The following LHPP variants were observed in gnomAD, a reference collection of about 807,000 sequenced individuals.
LHPP encodes hLHPP.
LHPP carries 24 observed loss-of-function variants against 30.3 expected under a neutral mutation model. That is an observed-to-expected ratio of 0.79 (90% confidence interval 0.57 to 1.11). The LOEUF (loss-of-function observed/expected upper bound fraction) is 1.11, where lower values mean the gene tolerates loss of function less well. Among genes scored for constraint, LHPP ranks in the 50% most tolerant of loss-of-function variants. LHPP has a pLI of 0.00. For missense variants in LHPP, 356 were observed against 367.2 expected (o/e 0.97, Z 0.25); for synonymous variants, 150 against 157.1 (o/e 0.95, Z 0.34).
At chr10:124,587,401 A>G in intron 6 of LHPP, among the ~76,000 whole-genome samples, 1 of 151,012 alleles carries the variant, frequency 6.6e-6, no homozygotes, top group East Asian at 1.9e-4. Context: ...TGTCCCCTCC[A>G]CTTCTACCTT....
chr10:124,603,220 C>G (rs977356014), intron 6 of LHPP, among the ~76,000 whole-genome samples: 8 of 152,170 alleles, frequency 5.3e-5, no homozygotes, highest in African/African-American at 1.9e-4. Context: ...GGGAGGAAGG[C>G]GGGCACGGGT....
intron 3 of LHPP, among the ~76,000 whole-genome samples, chr10:124,491,556 T>C (rs1224150303): frequency 2.0e-5 from 3 of 152,228 alleles, no homozygotes; most frequent in South Asian, 4.1e-4. Context: ...GGAGTGCCAG[T>C]TGGTGTGGCT....
chr10:124,526,158 A>T (rs1564810097), intron 6 of LHPP: 3 of 985,194 alleles, frequency 3.0e-6, no homozygotes, highest in Non-Finnish European at 2.4e-6. Flanking sequence ...AGAGCCGCTC[A>T]ACACGTGTTG....
intron 2 of LHPP, among the ~76,000 whole-genome samples, chr10:124,487,442 C>CTTTT (rs140426240): frequency 9.3e-5 from 10 of 107,776 alleles, no homozygotes; most frequent in Admixed American, 8.9e-5. Context: ...TTCTTTCTTT[C>CTTTT]TTTTTTTTTT....
intron 5 of LHPP, among the ~76,000 whole-genome samples, chr10:124,516,799 CT>C (rs1404671591): frequency 6.6e-6 from 1 of 152,154 alleles, no homozygotes; most frequent in Admixed American, 6.5e-5. Context: ...ATTTGCTTCA[CT>C]TTCATGGAAT....
In LHPP at chr10:124,550,890, A is replaced by G. The variant is rs74537252; in HGVS notation, c.716+33619A>G. Among the ~76,000 whole-genome samples, 1,319 of 152,292 alleles carry G rather than the reference A, an allele frequency of 8.7e-3. 14 individuals are homozygous for G. Among genetic ancestry groups the G allele is most frequent in the African/African-American group, 0.03 (1,240 of 41,556 alleles). On this transcript the variant is annotated intron_variant, in intron 6 of 6. Transcript: ENST00000368842. Reference sequence around the variant, plus strand: ...CAAGGTAACGTCCAAGCTCTGCAGCAGGGACCAGCCCTGGGTCCCACAGAG... The same window carrying G: ...CAAGGTAACGTCCAAGCTCTGCAGCGGGGACCAGCCCTGGGTCCCACAGAG...
intron 3 of LHPP, chr10:124,489,877 G>A (rs1171772762): frequency 1.5e-5 from 3 of 199,660 alleles, no homozygotes; most frequent in East Asian, 1.6e-4. Context: ...ACTGAAATTC[G>A]GTTGCTGACC....
chr10:124,488,608 T>C (rs1953414240), intron 3 of LHPP, 33 bp downstream of exon 3: 2 of 1,582,794 alleles, frequency 1.3e-6, no homozygotes, highest in East Asian at 4.5e-5. Flanking sequence ...CATTTCTCGG[T>C]GCTTTAGATG....
intron 1 of LHPP, among the ~76,000 whole-genome samples, chr10:124,465,300 G>T (rs1336053602): frequency 6.6e-6 from 1 of 152,164 alleles, no homozygotes; most frequent in African/African-American, 2.4e-5. Context: ...GGGTACACCA[G>T]GCAGGAACTT....
At chr10:124,557,274 T>A (rs1344640654) in intron 6 of LHPP, among the ~76,000 whole-genome samples, 2 of 152,214 alleles carry the variant, frequency 1.3e-5, no homozygotes, top group Non-Finnish European at 2.9e-5. Context: ...GAGTGCTCAG[T>A]AGGCAGACCT....
intron 1 of LHPP, 98 bp downstream of exon 1, chr10:124,462,085 C>T (rs1952415894): frequency 9.4e-7 from 1 of 1,063,128 alleles, no homozygotes; most frequent in Non-Finnish European, 1.2e-6. Context: ...GGCGGGGCCG[C>T]GGCGCAGGCC....
intron 6 of LHPP, among the ~76,000 whole-genome samples, chr10:124,546,820 A>T (rs1359559904): frequency 6.6e-6 from 1 of 152,104 alleles, no homozygotes; most frequent in Non-Finnish European, 1.5e-5. Context: ...GTTTGTCCAC[A>T]GGCGTACTTA....
chr10:124,481,075 A>C (rs1193573776), intron 1 of LHPP, among the ~76,000 whole-genome samples: 1 of 152,184 alleles, frequency 6.6e-6, no homozygotes, highest in African/African-American at 2.4e-5. Context: ...TGGAGTGCCA[A>C]GCCCTGTGGG....
At chr10:124,579,816 A>G (rs1589690072) in intron 6 of LHPP, among the ~76,000 whole-genome samples, 1 of 152,148 alleles carries the variant, frequency 6.6e-6, no homozygotes, top group East Asian at 1.9e-4. Context: ...GCAAACATGT[A>G]TGTTCTGTTT....
chr10:124,473,005 C>T (rs1424314997), intron 1 of LHPP, among the ~76,000 whole-genome samples: 1 of 152,164 alleles, frequency 6.6e-6, no homozygotes, highest in African/African-American at 2.4e-5. Context: ...TCCCGTGGCT[C>T]TGCTGGCAGG....
intron 6 of LHPP, among the ~76,000 whole-genome samples, chr10:124,603,941 G>A (rs55733934): frequency 0.12 from 18,750 of 152,250 alleles, 1,843 homozygotes; most frequent in African/African-American, 0.26. Flanking sequence ...GCTAAGGCCC[G>A]GGCCTGGGGC....
chr10:124,571,973 T>A (rs1948590363), intron 6 of LHPP, among the ~76,000 whole-genome samples: 1 of 152,076 alleles, frequency 6.6e-6, no homozygotes, highest in Admixed American at 6.5e-5. Context: ...GAAGGGAGAT[T>A]AATGCGAGTT....
chr10:124,486,228 C>T (rs1431616138), intron 2 of LHPP, among the ~76,000 whole-genome samples: 1 of 152,212 alleles, frequency 6.6e-6, no homozygotes, highest in Non-Finnish European at 1.5e-5. Context: ...CCATCACTGA[C>T]AGCTCTGACA....
At chr10:124,610,039 A>G (rs1307597883) in intron 6 of LHPP, among the ~76,000 whole-genome samples, 5 of 152,198 alleles carry the variant, frequency 3.3e-5, no homozygotes. Context: ...CAGGGTTGCA[A>G]GTGGATATCA....
Sources: gnomAD v4.1 joint callset for allele counts (sites outside exome capture counted in the v4.1 genomes callset) on GRCh38, gnomAD v4.1.1 for gene constraint, MANE v1.5 for transcripts, NCBI Gene and HGNC (gene_info 2026-07-23, HGNC 2026-07-21) for gene names.